SLC28A3: variants seen among roughly 807,000 people sequenced by gnomAD.
SLC28A3 encodes the protein solute carrier family 28 member 3.
A neutral mutation model predicts 84.2 loss-of-function variants in SLC28A3; 68 were observed. That is an observed-to-expected ratio of 0.81 (90% confidence interval 0.66 to 0.99). The LOEUF is 0.99. Ranked by LOEUF, SLC28A3 falls within the 50% of genes least tolerant of loss-of-function variation. SLC28A3 has a pLI of 0.00. For missense variants in SLC28A3, 712 were observed against 841.5 expected (o/e 0.85, Z 1.90); for synonymous variants, 267 against 303.6 (o/e 0.88, Z 1.25).
the SLC28A3 span, among the ~76,000 whole-genome samples, chr9:84,351,755 A>G: frequency 6.6e-6 from 1 of 152,024 alleles, no homozygotes; most frequent in Non-Finnish European, 1.5e-5. Flanking sequence ...TAATGTATCA[A>G]TATTAAATTT....
Position 84,275,482 on chromosome 9 carries a change from C to T in SLC28A3, c.*2736G>A, listed in dbSNP as rs1824498582. The stretch of plus-strand genomic sequence containing the variant: ...GTTGGGGAGCACAGACCAACAGCAA[C>T]AATCTGTCAACAGTGAGCGGGCTCA... On this transcript the variant is annotated 3_prime_UTR_variant, in exon 18 of 18. Coordinates refer to ENST00000376238, the MANE Select transcript of SLC28A3 (RefSeq NM_001199633.2). 6.6e-6 allele frequency: 1 copy of T among 152,292 alleles called. No homozygotes were observed. The highest frequency in any genetic ancestry group is 2.4e-5 in the African/African-American group (1 of 41,438). The allele number at this position is 152,292 out of a possible 1,614,324, so 9.4% of individuals were successfully genotyped here.
At chr9:84,316,616 T>G (rs551715563) in intron 1 of SLC28A3, among the ~76,000 whole-genome samples, 125 of 152,308 alleles carry the variant, frequency 8.2e-4, no homozygotes, top group Non-Finnish European at 1.9e-4. Flanking sequence ...ACCTCAACTT[T>G]ATTGGGATGA....
rs777397014 is a variant in SLC28A3, at chr9:84,302,201, A to G, written c.523T>C (p.Trp175Arg). ...LLNSHWFWLK[W>R]VIWSSLVLAV... ...AATAAGAGAACCAATTGCATTTACC[A>G]CTTCAGCCAGAACCAATGGCTGTTT... Residue 175 changes from tryptophan (W) to arginine (R), a missense_variant and splice_region_variant, in exon 5 of 18, where the codon TGG becomes CGG. Trp to Arg is a moderately radical substitution (Grantham distance 101). Coordinates refer to ENST00000376238, the MANE Select transcript of SLC28A3 (RefSeq NM_001199633.2). The G allele has an allele frequency of 6.2e-7, 1 of 1,613,606 alleles. No individual in the cohort carries two copies. The highest frequency in any genetic ancestry group is 8.5e-7 in the Non-Finnish European group (1 of 1,179,734).
At chr9:84,320,061 T>TTTTTTTTTTTTTTTTG (rs1240730185) in intron 1 of SLC28A3, among the ~76,000 whole-genome samples, 5 of 137,006 alleles carry the variant, frequency 3.6e-5, no homozygotes, top group African/African-American at 1.1e-4. Flanking sequence ...TTTTTTTTTT[T>TTTTTTTTTTTTTTTTG]TTTTTTGAGA....
At chr9:84,292,773 C>G (rs1173309500) in intron 9 of SLC28A3, 25 bp from the exon 10 acceptor site, 1 of 1,511,288 alleles carries the variant, frequency 6.6e-7, no homozygotes, top group Non-Finnish European at 8.9e-7. Flanking sequence ...GGGACAAAGT[C>G]AGCAAAGAAC....
rs770132369 is a variant in SLC28A3 at position 84,286,142 on chromosome 9, C to T, written c.1281-31G>A. ...TCAAGAAATAGCAATTCCAGAATTA[C>T]CAAGGAGTTGTCAGGGGATGGACAC... On this transcript the variant is annotated intron_variant, in intron 12 of 17. Transcript: ENST00000376238. 1.4e-5 allele frequency: 23 copies of T among 1,606,272 alleles called. No individual in the cohort carries two copies. In the East Asian group the frequency reaches 4.5e-4, roughly 31 times the overall value.
chr9:84,284,528 A>AAAT (rs1473285314), intron 14 of SLC28A3, among the ~76,000 whole-genome samples: 1 of 152,026 alleles, frequency 6.6e-6, no homozygotes, highest in African/African-American at 2.4e-5. Flanking sequence ...TTTTTAAACC[A>AAAT]AATACATGCC....
chr9:84,280,649 T>C lies in SLC28A3; in HGVS notation c.1729+152A>G, dbSNP rs1041336129. The C allele has an allele frequency of 6.8e-6, 5 of 731,180 alleles. No individual in the cohort carries two copies. The Admixed American group carries it at 8.5e-5, about 12-fold the overall frequency. 45.3% of individuals were successfully genotyped at this position (731,180 alleles called of 1,614,324 possible). ...TTTGGGTGTGCAAGGGAAAACTATA[T>C]TGCAGACTAGAGATTAAAAAAATAG... On this transcript the variant is annotated intron_variant, in intron 15 of 17. Transcript: ENST00000376238.
At chr9:84,297,415 G>C (rs1252746497) in intron 7 of SLC28A3, 117 bp from the exon 8 acceptor site, 2 of 734,140 alleles carry the variant, frequency 2.7e-6, no homozygotes, top group Admixed American at 5.4e-5. Flanking sequence ...GATAGACTTG[G>C]AAAGTTAATG....
chr9:84,358,219 A>C, the SLC28A3 span, among the ~76,000 whole-genome samples: 3 of 152,186 alleles, frequency 2.0e-5, no homozygotes, highest in African/African-American at 7.2e-5. Context: ...GGGTTCTATT[A>C]GGGGCTTCCA....
At position 84,278,231 on chromosome 9, in the gene SLC28A3, G is replaced by T. The variant is rs1478601000; in HGVS notation, c.2063C>A (p.Ser688Tyr). ...AAGTGGCTGACCTCAAAATGTATTA[G>T]AGATCCCATTGCAGTTAAAGGTCGA... ...NPSTFNCNGI[S>Y]NTF The change falls in exon 18 of 18, where the codon TCT becomes TAT. Residue 688 changes from serine (S) to tyrosine (Y), a missense_variant. Ser to Tyr is a moderately radical substitution (Grantham distance 144). Transcript: ENST00000376238. 6.2e-7 allele frequency: 1 copy of T among 1,613,816 alleles called. No individual in the cohort carries two copies. The highest frequency in any genetic ancestry group is 8.5e-7 in the Non-Finnish European group (1 of 1,179,912).
At chr9:84,331,048 T>G (rs1826763001) in intron 1 of SLC28A3, among the ~76,000 whole-genome samples, 1 of 152,182 alleles carries the variant, frequency 6.6e-6, no homozygotes, top group Non-Finnish European at 1.5e-5. Flanking sequence ...AGTGTTTGAA[T>G]GAGGAAAAAC....
the SLC28A3 span, among the ~76,000 whole-genome samples, chr9:84,360,984 C>T: frequency 6.8e-4 from 103 of 152,154 alleles, no homozygotes; most frequent in African/African-American, 2.3e-3. Flanking sequence ...AGTTTTCTTC[C>T]CCTCAAGAAA....
chr9:84,297,660 C>G (rs1322364389), intron 7 of SLC28A3, among the ~76,000 whole-genome samples: 1 of 152,130 alleles, frequency 6.6e-6, no homozygotes, highest in East Asian at 1.9e-4. Flanking sequence ...ATGATAGTTC[C>G]TGGGGAGGAG....
Position 84,277,983 on chromosome 9 carries a change from C to T in SLC28A3, c.*235G>A, listed in dbSNP as rs748907086. The stretch of plus-strand genomic sequence containing the variant: ...CCATTGAGACTGGAATCAACAACAC[C>T]TCACTTTGGGACATCATAGCAGTTC... On this transcript the variant is annotated 3_prime_UTR_variant, in exon 18 of 18. Coordinates refer to ENST00000376238, the MANE Select transcript of SLC28A3 (RefSeq NM_001199633.2). 1.8e-5 allele frequency: 9 copies of T among 493,856 alleles called. No individual in the cohort carries two copies. Among genetic ancestry groups the T allele is most frequent in the Middle Eastern group, 5.4e-4 (1 of 1,868 alleles). The allele number at this position is 493,856 out of a possible 1,614,324, so 30.6% of individuals were successfully genotyped here.
chr9:84,357,254 C>G, the SLC28A3 span, among the ~76,000 whole-genome samples: 2 of 152,160 alleles, frequency 1.3e-5, no homozygotes, highest in Non-Finnish European at 2.9e-5. Flanking sequence ...CTTGATTTCA[C>G]AATCTTCATT....
chr9:84,345,401 A>G (rs1280861563), upstream of SLC28A3, among the ~76,000 whole-genome samples: 1 of 152,232 alleles, frequency 6.6e-6, no homozygotes. Context: ...GTTGAAGGTT[A>G]TGGATGATCC....
intron 17 of SLC28A3, among the ~76,000 whole-genome samples, chr9:84,278,885 A>T (rs1382878137): frequency 6.6e-6 from 1 of 151,990 alleles, no homozygotes; most frequent in Non-Finnish European, 1.5e-5. Context: ...AATGAAAAAA[A>T]AAAAAAAAAG....
chr9:84,302,076 C>T, intron 5 of SLC28A3, 124 bp downstream of exon 5: 1 of 833,512 alleles, frequency 1.2e-6, no homozygotes, highest in South Asian at 1.8e-5. Flanking sequence ...CAGATTACTT[C>T]CTAGGGTGTT....
Sources: gnomAD v4.1 joint callset for allele counts (sites outside exome capture counted in the v4.1 genomes callset) on GRCh38, gnomAD v4.1.1 for gene constraint, MANE v1.5 for transcripts, NCBI Gene and HGNC (gene_info 2026-07-23, HGNC 2026-07-21) for gene names.